The following PTPRK variants were observed in gnomAD, a reference collection of about 807,000 sequenced individuals.
PTPRK encodes protein tyrosine phosphatase receptor type K, also known as receptor-type tyrosine-protein phosphatase kappa.
A neutral mutation model predicts 178.0 loss-of-function variants in PTPRK; 75 were observed. The ratio of observed to expected loss-of-function variants is 0.42; its 90% CI spans 0.35 to 0.51. The LOEUF is 0.51. Ranked by LOEUF, PTPRK falls within the 20% of genes least tolerant of loss-of-function variation. The probability of loss-of-function intolerance (pLI) is 0.02; values close to 1 mark genes in which losing one functional copy is unlikely to be tolerated. For synonymous variants in PTPRK, 637 were observed against 620.6 expected, an observed-to-expected ratio of 1.03 and a Z score of -0.39; for missense variants, 1,441 against 1,797.8, an observed-to-expected ratio of 0.80 and a Z score of 3.59.
chr6:128,271,066 A>T (rs1188737231), intron 3 of PTPRK, among the ~76,000 whole-genome samples: 5 of 152,172 alleles, frequency 3.3e-5, no homozygotes, highest in Non-Finnish European at 5.9e-5. Flanking sequence ...GGTATTAAAA[A>T]AAAAGGATAG....
intron 14 of PTPRK, 52 bp from the exon 15 acceptor site, chr6:128,005,296 A>T (rs368487400): frequency 8.6e-5 from 136 of 1,574,610 alleles, no homozygotes; most frequent in African/African-American, 1.2e-4. Flanking sequence ...CTTGCAGGAG[A>T]GTTAACACCA....
intron 2 of PTPRK, among the ~76,000 whole-genome samples, chr6:128,364,259 T>C (rs1835169384): frequency 6.6e-6 from 1 of 152,066 alleles, no homozygotes; most frequent in African/African-American, 2.4e-5. Flanking sequence ...CTTCAAGGCA[T>C]AATTTTTCTT....
At chr6:128,226,228 A>G (rs1297475598) in intron 5 of PTPRK, among the ~76,000 whole-genome samples, 2 of 152,212 alleles carry the variant, frequency 1.3e-5, no homozygotes, top group African/African-American at 4.8e-5. Context: ...ATTTGTACCA[A>G]CTTATTCAAC....
At chr6:128,447,539 G>A (rs1847184388) in intron 1 of PTPRK, among the ~76,000 whole-genome samples, 1 of 152,040 alleles carries the variant, frequency 6.6e-6, no homozygotes, top group Non-Finnish European at 1.5e-5. Flanking sequence ...AATGAGTGGT[G>A]AGATCTGACC....
intron 7 of PTPRK, among the ~76,000 whole-genome samples, chr6:128,097,369 C>T (rs1197723338): frequency 1.3e-5 from 2 of 152,150 alleles, no homozygotes; most frequent in East Asian, 3.9e-4. Flanking sequence ...CACCACTGCT[C>T]TCAACACTCT....
chr6:128,291,262 C>T (rs1287117721), intron 3 of PTPRK, among the ~76,000 whole-genome samples: 1 of 152,046 alleles, frequency 6.6e-6, no homozygotes, highest in African/African-American at 2.4e-5. Flanking sequence ...GGGCCATAAG[C>T]TAAGGAAGGT....
intron 2 of PTPRK, among the ~76,000 whole-genome samples, chr6:128,389,319 T>C: frequency 6.6e-6 from 1 of 151,888 alleles, no homozygotes; most frequent in East Asian, 1.9e-4. Flanking sequence ...ATTTTTCACA[T>C]TAATTATAAG....
rs144629680 is a variant in PTPRK, at chr6:128,176,609, G to T, written c.1162+7823C>A. On this transcript the variant is annotated intron_variant, in intron 7 of 29. Transcript: ENST00000368226. ...GTTTACTATAAATAAGAAGACTTGG[G>T]ATTAGAATTCACTCATTTGCTTTTT... Among the ~76,000 whole-genome samples the T allele has an allele frequency of 3.6e-3, 544 of 151,810 alleles. 6 individuals carry two copies. The highest frequency in any genetic ancestry group is 0.013 in the African/African-American group (526 of 41,478).
At chr6:128,433,826 G>GTT (rs563277558) in intron 1 of PTPRK, among the ~76,000 whole-genome samples, 12,139 of 129,206 alleles carry the variant, frequency 0.094, 696 homozygotes, top group African/African-American at 0.16. Flanking sequence ...CTCTAACACT[G>GTT]TTTTTTTTTT....
At chr6:127,981,429 G>T in intron 24 of PTPRK, 140 bp from the exon 25 acceptor site, 1 of 687,854 alleles carries the variant, frequency 1.5e-6, no homozygotes, top group Non-Finnish European at 2.4e-6. Flanking sequence ...ATGACAGGCT[G>T]ATAGACCTTG....
At chr6:128,131,009 CAT>C (rs1055586236) in intron 7 of PTPRK, among the ~76,000 whole-genome samples, 11 of 152,282 alleles carry the variant, frequency 7.2e-5, no homozygotes, top group Admixed American at 2.0e-4. Context: ...TGGATTTACA[CAT>C]GTCTACTTTT....
intron 6 of PTPRK, among the ~76,000 whole-genome samples, chr6:128,194,794 G>A (rs973287630): frequency 6.6e-6 from 1 of 152,100 alleles, no homozygotes; most frequent in Non-Finnish European, 1.5e-5. Flanking sequence ...GGCAATATAT[G>A]TCCCAGTTAC....
chr6:128,491,844 C>CAGACACTGAAAACGAA, intron 1 of PTPRK: 1 of 513,976 alleles, frequency 1.9e-6, no homozygotes, highest in Non-Finnish European at 3.9e-6. Context: ...ACCACAAGCA[C>CAGACACTGAAAACGAA]AGACACTGAA....
chr6:128,334,064 C>A (rs1830606698), intron 2 of PTPRK, among the ~76,000 whole-genome samples: 2 of 152,220 alleles, frequency 1.3e-5, no homozygotes, highest in African/African-American at 4.8e-5. Flanking sequence ...ATACATACAA[C>A]ATTTATCAGT....
chr6:128,087,593 T>C (rs1391925569), intron 8 of PTPRK, among the ~76,000 whole-genome samples: 1 of 152,074 alleles, frequency 6.6e-6, no homozygotes, highest in Non-Finnish European at 1.5e-5. Flanking sequence ...AGGATATTTG[T>C]GTGTTTATTA....
intron 1 of PTPRK, among the ~76,000 whole-genome samples, chr6:128,488,030 C>T (rs1030820759): frequency 2.0e-5 from 3 of 152,054 alleles, no homozygotes; most frequent in South Asian, 2.1e-4. Context: ...CACAATAGGC[C>T]GTCTACAAGC....
intron 13 of PTPRK, among the ~76,000 whole-genome samples, chr6:128,022,245 C>A (rs1773625902): frequency 6.6e-6 from 1 of 152,120 alleles, no homozygotes; most frequent in Non-Finnish European, 1.5e-5. Flanking sequence ...CTCTCATACT[C>A]CTTTCTTCTT....
intron 1 of PTPRK, among the ~76,000 whole-genome samples, chr6:128,425,145 T>G (rs1843973628): frequency 6.6e-6 from 1 of 150,894 alleles, no homozygotes; most frequent in Admixed American, 6.6e-5. Context: ...TGGCGTGATC[T>G]CGGCTCACTG....
At chr6:128,413,230 G>A (rs919956485) in intron 1 of PTPRK, among the ~76,000 whole-genome samples, 1 of 152,094 alleles carries the variant, frequency 6.6e-6, no homozygotes, top group Non-Finnish European at 1.5e-5. Context: ...GGAAGAGAAA[G>A]GAAATATCAA....
Sources: gnomAD v4.1 joint callset for allele counts (sites outside exome capture counted in the v4.1 genomes callset) on GRCh38, gnomAD v4.1.1 for gene constraint, MANE v1.5 for transcripts, NCBI Gene and HGNC (gene_info 2026-07-23, HGNC 2026-07-21) for gene names.